Variants in F8 observed in about 807,000 individuals in gnomAD.
F8 encodes antihemophilic factor.
Under a neutral mutation model 140.6 loss-of-function variants are expected in F8, and 12 were observed. The ratio of observed to expected loss-of-function variants is 0.09; its 90% CI spans 0.05 to 0.14. F8 has a LOEUF of 0.14. Ranked by LOEUF, F8 falls within the 10% of genes least tolerant of loss-of-function variation. F8 has a pLI of 1.00. For missense variants in F8, 1,354 were observed against 1,720.7 expected (o/e 0.79, Z 3.77); for synonymous variants, 585 against 614.6 (o/e 0.95, Z 0.71).
In F8 at chrX:154,929,263, G is replaced by T; in HGVS notation, c.4527C>A (p.Gly1509=). The T allele has an allele frequency of 1.7e-6, 2 of 1,211,940 alleles. No homozygotes were observed. The highest frequency in any genetic ancestry group is 2.2e-6 in the Non-Finnish European group (2 of 895,551). Residue 1509 remains glycine, a synonymous_variant, in exon 14 of 26, where the codon GGC becomes GGA. Transcript: ENST00000360256. ...LPKPDLPKTS[G]KVELLPKVHI... ...GAACTTTTGGAAGCAATTCAACTTT[G>T]CCAGATGTTTTGGGCAAGTCTGGTT...
At chrX:154,973,135 C>T (rs1557282731) in intron 6 of F8, among the ~76,000 whole-genome samples, 1 of 112,392 alleles carries the variant, frequency 8.9e-6, no homozygotes, top group African/African-American at 3.2e-5. Context: ...GTATTCTTGC[C>T]AACTTCGTAG....
chrX:154,863,271 A>G (rs1188717633), intron 22 of F8, 44 bp from the exon 23 acceptor site: 2 of 1,144,928 alleles, frequency 1.7e-6, no homozygotes, highest in Non-Finnish European at 2.4e-6. Context: ...GTGAATACAG[A>G]GTAAAAAGCA....
At chrX:154,869,358 G>C (rs781872106) in intron 22 of F8, among the ~76,000 whole-genome samples, 1 of 111,922 alleles carries the variant, frequency 8.9e-6, no homozygotes, top group South Asian at 3.7e-4. Context: ...TCAGACCACA[G>C]TGCAATCAAA....
intron 1 of F8, among the ~76,000 whole-genome samples, chrX:155,012,876 GTGGC>G (rs1473585958): frequency 9.1e-6 from 1 of 110,426 alleles, no homozygotes; most frequent in African/African-American, 3.3e-5. Flanking sequence ...GCCGGGCGCG[GTGGC>G]TCACGCTTGT....
intron 1 of F8, among the ~76,000 whole-genome samples, chrX:155,000,679 A>G (rs782725698): frequency 2.7e-5 from 3 of 112,246 alleles, no homozygotes; most frequent in Non-Finnish European, 5.6e-5. Flanking sequence ...CGTATACTAC[A>G]TGCCACTTTG....
intron 10 of F8, among the ~76,000 whole-genome samples, chrX:154,958,895 C>A (rs907946803): frequency 9.0e-6 from 1 of 111,609 alleles, no homozygotes; most frequent in East Asian, 2.8e-4. Context: ...GGATTACAGG[C>A]GTGAGCCACC....
At chrX:154,945,097 C>G (rs1273354499) in intron 13 of F8, among the ~76,000 whole-genome samples, 1 of 109,977 alleles carries the variant, frequency 9.1e-6, no homozygotes. Context: ...TACAGCACAC[C>G]AGCATGGCAC....
rs183320784 is a variant in F8 at position 154,949,036 on chromosome X, T to C, written c.1904-1129A>G. 2.9e-4 allele frequency among the ~76,000 whole-genome samples: 32 copies of C among 111,654 alleles called. No individual in the cohort carries two copies. The East Asian group carries it at 8.1e-3, about 28-fold the overall frequency. ...ATCTCCAACCAGTACAGGAAAAAAA[T>C]CAGCTAGTTGGTAAATGATAATAGA... On this transcript the variant is annotated intron_variant, in intron 12 of 25. Coordinates refer to ENST00000360256, the MANE Select transcript of F8 (RefSeq NM_000132.4).
intron 14 of F8, chrX:154,919,665 C>A: frequency 2.0e-6 from 1 of 511,902 alleles, no homozygotes; most frequent in South Asian, 3.3e-5. Context: ...GGATATAATG[C>A]ATGTCTCACT....
At chrX:154,857,844 A>AG (rs782429318) in intron 25 of F8, among the ~76,000 whole-genome samples, 17 of 112,655 alleles carry the variant, frequency 1.5e-4, no homozygotes, top group Non-Finnish European at 2.4e-4. Flanking sequence ...TCAATAATCA[A>AG]GTAAATATGA....
chrX:154,859,376 C>G lies in F8; in HGVS notation c.6900+1056G>C, dbSNP rs1461050105. Among the ~76,000 whole-genome samples the G allele has an allele frequency of 5.7e-5, 6 of 105,508 alleles. No homozygotes were observed. The East Asian group carries it at 1.8e-3, about 31-fold the overall frequency. 91.6% of individuals were successfully genotyped at this position (105,508 alleles called of 115,157 possible). ...GGAATGCAGTGGTGCGATCTCGGCTCACTGCAAGCTCTGCCTCCCGGGTTC... is the reference window on the plus strand; with the variant it reads ...GGAATGCAGTGGTGCGATCTCGGCTGACTGCAAGCTCTGCCTCCCGGGTTC... On this transcript the variant is annotated intron_variant, in intron 25 of 25. Coordinates refer to ENST00000360256, the MANE Select transcript of F8 (RefSeq NM_000132.4).
At chrX:154,901,017 T>C (rs1398061624) in intron 20 of F8, among the ~76,000 whole-genome samples, 1 of 112,846 alleles carries the variant, frequency 8.9e-6, no homozygotes, top group African/African-American at 3.2e-5. Context: ...TGGGCAGTAG[T>C]GCTCTAAAAC....
Position 154,904,486 on chromosome X carries a change from C to G in F8, c.5625G>C (p.Leu1875=). 8.3e-7 allele frequency: 1 copy of G among 1,210,886 alleles called. No homozygotes were observed. Among genetic ancestry groups the G allele is most frequent in the Non-Finnish European group, 1.1e-6 (1 of 895,076 alleles). ...GGTTCAGTGTGTTAGTGTGGCAGAC[C>G]AGAAGGGGTCCAATCAGGCCTGAGT... The part of the protein sequence containing the change: ...DVHSGLIGPL[L]VCHTNTLNPA... Residue 1875 remains leucine (L), a synonymous_variant, in exon 17 of 26, where the codon CTG becomes CTC. Transcript: ENST00000360256.
chrX:154,836,382 C>CA lies in F8; in HGVS notation c.*1214_*1215insT, dbSNP rs1557270873. 1 of 111,042 alleles carries CA rather than the reference C, an allele frequency of 9.0e-6. No homozygotes were observed. The highest frequency in any genetic ancestry group is 1.9e-5 in the Non-Finnish European group (1 of 53,036). 9.2% of individuals were successfully genotyped at this position (111,042 alleles called of 1,213,427 possible). A position where few individuals can be genotyped will look rare whatever the true frequency, so the allele number is the denominator to read the frequency against. On this transcript the variant is annotated 3_prime_UTR_variant, in exon 26 of 26. Transcript: ENST00000360256. Reference sequence around the variant, plus strand: ...CAGGCAGATGGAAGGAGCAGTAAACCCTTCACAATCTTATGGGGGTGGAGG... The same window carrying CA: ...CAGGCAGATGGAAGGAGCAGTAAACCACTTCACAATCTTATGGGGGTGGAGG...
At chrX:154,938,515 T>A (rs1390293040) in intron 13 of F8, among the ~76,000 whole-genome samples, 1 of 111,381 alleles carries the variant, frequency 9.0e-6, no homozygotes, top group Non-Finnish European at 1.9e-5. Context: ...AGAAAGAAAA[T>A]ATAGAAGGAT....
At chrX:154,935,095 G>A (rs373130415) in intron 13 of F8, among the ~76,000 whole-genome samples, 4 of 110,980 alleles carry the variant, frequency 3.6e-5, no homozygotes, top group African/African-American at 1.3e-4. Context: ...CCAGGAGGTT[G>A]AGGCTGCAGT....
chrX:155,022,006 T>C (rs1482646101), intron 1 of F8, among the ~76,000 whole-genome samples: 2 of 111,922 alleles, frequency 1.8e-5, no homozygotes, highest in African/African-American at 6.5e-5. Context: ...ACACATTGCA[T>C]GTACACACAA....
rs944057608 is a variant in F8 at position 154,988,154 on chromosome X, T to C, written c.602-849A>G. Among the ~76,000 whole-genome samples the C allele has an allele frequency of 2.7e-5, 3 of 112,169 alleles. No homozygotes were observed. The Admixed American group carries it at 2.8e-4, about 11-fold the overall frequency. On this transcript the variant is annotated intron_variant, in intron 4 of 25. Coordinates refer to ENST00000360256, the MANE Select transcript of F8 (RefSeq NM_000132.4). Reference sequence around the variant, plus strand: ...ACTGAATGCCAACTATTTGCTTTGATTATCTCTTGCTTTCTTACTCAATTG... The same window carrying C: ...ACTGAATGCCAACTATTTGCTTTGACTATCTCTTGCTTTCTTACTCAATTG...
At position 154,837,432 on chromosome X, in the gene F8, C is replaced by G. The variant is rs1396861290; in HGVS notation, c.*165G>C. On this transcript the variant is annotated 3_prime_UTR_variant, in exon 26 of 26. Transcript: ENST00000360256. ...AGTTAAATTGGATGCACCCTCCTGG[C>G]CCCCCACCAAAGAAATGCAGGACTG... The G allele has an allele frequency of 2.2e-5, 12 of 545,312 alleles. No homozygotes were observed. Among genetic ancestry groups the G allele is most frequent in the Non-Finnish European group, 3.2e-5 (11 of 339,694 alleles). The allele number at this position is 545,312 out of a possible 1,213,427, so 44.9% of individuals were successfully genotyped here. A position where few individuals can be genotyped will look rare whatever the true frequency, so the allele number is the denominator to read the frequency against.
Sources: allele counts gnomAD v4.1 joint callset (sites outside exome capture counted in the v4.1 genomes callset), GRCh38; gene constraint gnomAD v4.1.1; transcripts MANE v1.5; gene names NCBI Gene and HGNC (gene_info 2026-07-23, HGNC 2026-07-21).